Variants in SYAP1 observed in about 807,000 individuals in gnomAD.
The protein encoded by SYAP1 is synapse associated protein 1.
A neutral mutation model predicts 29.6 loss-of-function variants in SYAP1; 3 were observed. The ratio of observed to expected loss-of-function variants is 0.10; its 90% CI spans 0.05 to 0.26. The LOEUF is 0.26. SYAP1 is among the 10% of genes least tolerant of loss of function. SYAP1 has a pLI of 1.00. For synonymous variants in SYAP1, 102 were observed against 102.7 expected, an observed-to-expected ratio of 0.99 and a Z score of 0.04; for missense variants, 217 against 264.1, an observed-to-expected ratio of 0.82 and a Z score of 1.24.
chrX:16,734,831 A>T (rs1926288313), intron 1 of SYAP1, among the ~76,000 whole-genome samples: 1 of 108,635 alleles, frequency 9.2e-6, no homozygotes, highest in East Asian at 2.9e-4. Context: ...CTCTGTCTCT[A>T]CTAAAAATAC....
chrX:16,735,018 A>AAAC (rs1926297769), intron 1 of SYAP1, among the ~76,000 whole-genome samples: 1 of 93,705 alleles, frequency 1.1e-5, no homozygotes, highest in Non-Finnish European at 2.2e-5. Flanking sequence ...AAAAAAAAAA[A>AAAC]AAAACAAAAA....
In SYAP1 at chrX:16,756,739, T is replaced by G. The variant is rs1189975926; in HGVS notation, c.783+18T>G. 4 of 1,179,969 alleles carry G rather than the reference T, an allele frequency of 3.4e-6. No individual in the cohort carries two copies. The highest frequency in any genetic ancestry group is 4.6e-6 in the Non-Finnish European group (4 of 868,295). On this transcript the variant is annotated intron_variant, in intron 7 of 8. Coordinates refer to ENST00000380155, the MANE Select transcript of SYAP1 (RefSeq NM_032796.4). ...CTCAAGAGGTAATCCAGTTTTACAT[T>G]GTACCTAGTAGTTGATATCTGGAAA... is the stretch of plus-strand genomic sequence containing the variant.
At chrX:16,733,928 G>A (rs762988877) in intron 1 of SYAP1, among the ~76,000 whole-genome samples, 45 of 110,874 alleles carry the variant, frequency 4.1e-4, no homozygotes, top group Non-Finnish European at 7.7e-4. Flanking sequence ...AAAGTGCTGG[G>A]ATTACAACAA....
chrX:16,746,223 A>G (rs1436337019), intron 5 of SYAP1, among the ~76,000 whole-genome samples: 1 of 103,362 alleles, frequency 9.7e-6, no homozygotes, highest in Non-Finnish European at 2.0e-5. Flanking sequence ...TCATCTTTAG[A>G]CTTTGTCTTT....
chrX:16,749,670 C>T (rs1428752868), intron 5 of SYAP1, among the ~76,000 whole-genome samples: 1 of 110,761 alleles, frequency 9.0e-6, no homozygotes, highest in Non-Finnish European at 1.9e-5. Flanking sequence ...AATCCCAGCA[C>T]TTTGGGAAGC....
chrX:16,721,277 G>A (rs1925953869), intron 1 of SYAP1, among the ~76,000 whole-genome samples: 1 of 110,544 alleles, frequency 9.0e-6, no homozygotes, highest in South Asian at 3.9e-4. Context: ...TGTCGCCCAG[G>A]CTGGAGTGCA....
intron 5 of SYAP1, among the ~76,000 whole-genome samples, chrX:16,753,420 A>T (rs920049391): frequency 1.6e-4 from 18 of 109,695 alleles, no homozygotes; most frequent in Admixed American, 4.9e-4. Flanking sequence ...TCTCAAAAAA[A>T]AATAATAATA....
chrX:16,757,973 A>G (rs986622632), intron 8 of SYAP1, among the ~76,000 whole-genome samples: 6 of 111,347 alleles, frequency 5.4e-5, no homozygotes, highest in Admixed American at 1.9e-4. Flanking sequence ...AGACATGTAC[A>G]TGGAAGATTC....
At chrX:16,736,861 C>T (rs1019484286) in intron 3 of SYAP1, among the ~76,000 whole-genome samples, 5 of 111,854 alleles carry the variant, frequency 4.5e-5, no homozygotes, top group Admixed American at 9.6e-5. Context: ...TGCACATGAC[C>T]GGCATTTAGC....
At chrX:16,744,565 G>A (rs1007561923) in intron 5 of SYAP1, among the ~76,000 whole-genome samples, 6 of 112,594 alleles carry the variant, frequency 5.3e-5, no homozygotes, top group Non-Finnish European at 1.1e-4. Context: ...GGGTGCGGTG[G>A]CCAATGCCTG....
rs1172515571 is a variant in SYAP1 at position 16,760,581 on chromosome X, T to C, written c.*222T>C. 8.7e-6 allele frequency: 2 copies of C among 229,421 alleles called. No individual in the cohort carries two copies. Among genetic ancestry groups the C allele is most frequent in the Non-Finnish European group, 1.5e-5 (2 of 132,901 alleles). The allele number at this position is 229,421 out of a possible 1,213,427, so 18.9% of individuals were successfully genotyped here. A position where few individuals can be genotyped will look rare whatever the true frequency, so the allele number is the denominator to read the frequency against. ...GATGTTTTATAGAACATTTCTTTAA[T>C]ATAAAGTTAGAGATGTCTTCATAGG... On this transcript the variant is annotated 3_prime_UTR_variant, in exon 9 of 9. Transcript: ENST00000380155.
At chrX:16,745,072 C>T (rs1297510176) in intron 5 of SYAP1, among the ~76,000 whole-genome samples, 1 of 112,472 alleles carries the variant, frequency 8.9e-6, no homozygotes, top group East Asian at 2.8e-4. Context: ...CCTGTCCCTT[C>T]GCATTAGCAG....
chrX:16,742,776 G>A (rs1926497572), intron 4 of SYAP1, among the ~76,000 whole-genome samples: 1 of 110,647 alleles, frequency 9.0e-6, no homozygotes, highest in Non-Finnish European at 1.9e-5. Flanking sequence ...ACCATGCCCA[G>A]CTAATTTTTA....
chrX:16,736,819 T>C (rs1926340072), intron 3 of SYAP1, among the ~76,000 whole-genome samples: 1 of 112,223 alleles, frequency 8.9e-6, no homozygotes, highest in African/African-American at 3.2e-5. Context: ...CAGTTCTGAC[T>C]TTCTACCACA....
chrX:16,736,019 C>T, intron 2 of SYAP1, 147 bp from the exon 3 acceptor site: 1 of 447,407 alleles, frequency 2.2e-6, no homozygotes, highest in South Asian at 3.5e-5. Flanking sequence ...TTAGGAACAA[C>T]CCTTTTAAGA....
At chrX:16,752,506 G>GT (rs1286887641) in intron 5 of SYAP1, among the ~76,000 whole-genome samples, 1 of 109,007 alleles carries the variant, frequency 9.2e-6, no homozygotes, top group Non-Finnish European at 1.9e-5. Context: ...ATGCCGTAGT[G>GT]TTTTACAAGC....
At chrX:16,756,330 T>A (rs1000273744) in intron 6 of SYAP1, among the ~76,000 whole-genome samples, 1 of 112,046 alleles carries the variant, frequency 8.9e-6, no homozygotes, top group Admixed American at 9.6e-5. Context: ...TTGAATATGA[T>A]GACATGTTAA....
chrX:16,752,364 G>GATT (rs202245644), intron 5 of SYAP1, among the ~76,000 whole-genome samples: 29,904 of 95,967 alleles, frequency 0.31, 4,073 homozygotes, highest in Middle Eastern at 0.47. Context: ...GTTATCAATG[G>GATT]ATTATTATTA....
intron 3 of SYAP1, 100 bp from the exon 4 acceptor site, chrX:16,741,616 G>T: frequency 1.9e-6 from 1 of 531,702 alleles, no homozygotes; most frequent in South Asian, 3.8e-5. Context: ...TACTTTTAGT[G>T]GTCATGCAGA....
Sources: gnomAD v4.1 joint callset for allele counts (sites outside exome capture counted in the v4.1 genomes callset) on GRCh38, gnomAD v4.1.1 for gene constraint, MANE v1.5 for transcripts, NCBI Gene and HGNC (gene_info 2026-07-23, HGNC 2026-07-21) for gene names.